ARHGEF4: variants seen among roughly 807,000 people sequenced by gnomAD.
ARHGEF4 encodes APC-stimulated guanine nucleotide exchange factor 1.
A neutral mutation model predicts 162.0 loss-of-function variants in ARHGEF4; 119 were observed. That is an observed-to-expected ratio of 0.73 (90% CI 0.63 to 0.86). The LOEUF (loss-of-function observed/expected upper bound fraction) is 0.86, where lower values mean the gene tolerates loss of function less well. Ranked by LOEUF, ARHGEF4 falls within the 40% of genes least tolerant of loss-of-function variation. ARHGEF4 has a pLI of 0.00. For synonymous variants in ARHGEF4, 1,014 were observed against 979.9 expected (o/e 1.03, Z -0.65); for missense variants, 2,488 against 2,456.0 (o/e 1.01, Z -0.28).
chr2:130,922,923 G>GAA lies in ARHGEF4; in HGVS notation c.3552+5426_3552+5427insAA, dbSNP rs151110273. 2.1e-5 allele frequency among the ~76,000 whole-genome samples: 3 copies of GAA among 145,570 alleles called. No individual in the cohort carries two copies. In the Admixed American group the frequency reaches 2.1e-4, roughly 10 times the overall value. On this transcript the variant is annotated intron_variant, in intron 2 of 13. Coordinates refer to ENST00000409359, the MANE Select transcript of ARHGEF4 (RefSeq NM_001367493.1). Reference sequence around the variant, plus strand: ...GTGGCTTGTCTTTTCCCTCTTTAATGATATATATATATATATATTTTGTTT... The same window carrying GAA: ...GTGGCTTGTCTTTTCCCTCTTTAATGAAATATATATATATATATATTTTGTTT...
At chr2:130,956,806 A>G (rs1327169142) in intron 4 of ARHGEF4, among the ~76,000 whole-genome samples, 1 of 100,134 alleles carries the variant, frequency 1.0e-5, no homozygotes, top group African/African-American at 4.0e-5. Context: ...CATCACACTC[A>G]GGGGACTGTC....
intron 2 of ARHGEF4, among the ~76,000 whole-genome samples, chr2:130,917,769 A>G (rs1223669845): frequency 6.6e-6 from 1 of 150,644 alleles, no homozygotes; most frequent in African/African-American, 2.4e-5. Context: ...TTTTGTATGA[A>G]CTGCCTGCTC....
At chr2:130,936,881 T>C (rs1682973942) in intron 3 of ARHGEF4, among the ~76,000 whole-genome samples, 1 of 88,282 alleles carries the variant, frequency 1.1e-5, no homozygotes, top group Non-Finnish European at 2.8e-5. Flanking sequence ...TTTTCTCTCT[T>C]TCTTTCTTTT....
chr2:130,949,175 G>C (rs1317663606), intron 4 of ARHGEF4, among the ~76,000 whole-genome samples: 1 of 152,034 alleles, frequency 6.6e-6, no homozygotes, highest in Non-Finnish European at 1.5e-5. Flanking sequence ...GTGATGCAGT[G>C]ATCATGTTTT....
At position 130,876,582 on chromosome 2, in the gene ARHGEF4, CG is replaced by C. The variant is rs575455509; in HGVS notation, c.40-37400del. On this transcript the variant is annotated intron_variant, in intron 1 of 13. Transcript: ENST00000409359. ...AATTTTTTTGTATTTTTAGTAGAGA[CG>C]GGGTTTCACCATGTTAGCCAGGATG... Among the ~76,000 whole-genome samples, 22 of 152,144 alleles carry C rather than the reference CG, an allele frequency of 1.4e-4. No homozygotes were observed. The South Asian group carries it at 4.4e-3, about 30-fold the overall frequency.
At chr2:130,875,879 A>G (rs1678798982) in intron 1 of ARHGEF4, among the ~76,000 whole-genome samples, 1 of 152,164 alleles carries the variant, frequency 6.6e-6, no homozygotes, top group Non-Finnish European at 1.5e-5. Flanking sequence ...ATGTCTCCAT[A>G]TGGAAGCCAG....
At chr2:130,922,931 T>TAC (rs1553514186) in intron 2 of ARHGEF4, among the ~76,000 whole-genome samples, 21 of 149,922 alleles carry the variant, frequency 1.4e-4, no homozygotes, top group Non-Finnish European at 2.5e-4. Flanking sequence ...ATGATATATA[T>TAC]ATATATATAT....
chr2:131,020,110 C>T (rs1689015697), intron 4 of ARHGEF4, among the ~76,000 whole-genome samples: 1 of 152,154 alleles, frequency 6.6e-6, no homozygotes, highest in Non-Finnish European at 1.5e-5. Context: ...AGGTATGCTA[C>T]ATGTAAGAAG....
At position 130,931,124 on chromosome 2, in the gene ARHGEF4, G is replaced by A. The variant is rs549714029; in HGVS notation, c.3725G>A (p.Arg1242Lys). ...CGTGGGGAGGCTCCTTCACAGCCTA[G>A]GGGCATCCCTCACCGCTCGCCCGTC... ...TVRGEAPSQP[R>K]GIPHRSPVSV... The change falls in exon 3 of 14, where the codon AGG becomes AAG. Residue 1242 changes from arginine (R) to lysine (K), a missense_variant. By Grantham distance (26) the Arg-to-Lys change is conservative (BLOSUM62 2). Around this residue, in one of 6 missense-constraint regions of ARHGEF4, gnomAD observed 1,642 missense variants for 1,481.5 expected, o/e 1.11. Transcript: ENST00000409359. The A allele has an allele frequency of 6.2e-7, 1 of 1,614,180 alleles. No homozygotes were observed. The highest frequency in any genetic ancestry group is 1.7e-5 in the Admixed American group (1 of 60,018).
intron 1 of ARHGEF4, 110 bp from the exon 2 acceptor site, chr2:130,913,876 A>C (rs890033025): frequency 6.3e-5 from 84 of 1,323,242 alleles, no homozygotes; most frequent in Admixed American, 3.0e-4. Context: ...ATGGGGAACT[A>C]ATGAGCCATT....
chr2:130,905,853 T>C (rs1680781570), intron 1 of ARHGEF4, among the ~76,000 whole-genome samples: 1 of 152,228 alleles, frequency 6.6e-6, no homozygotes, highest in African/African-American at 2.4e-5. Context: ...ATAGTGTATA[T>C]AGGGTTCAAT....
rs185585408 is a variant in ARHGEF4 at position 130,868,300 on chromosome 2, T to G, written c.39+31308T>G. 7.2e-5 allele frequency among the ~76,000 whole-genome samples: 11 copies of G among 152,212 alleles called. No homozygotes were observed. In the East Asian group the frequency reaches 1.2e-3, roughly 16 times the overall value. On this transcript the variant is annotated intron_variant, in intron 1 of 13. Coordinates refer to ENST00000409359, the MANE Select transcript of ARHGEF4 (RefSeq NM_001367493.1). The stretch of plus-strand genomic sequence containing the variant: ...GACGTCTTTTCCTTATGGAATAATT[T>G]CTTACAAGGCTGTGGTCAAGATGAG...
rs6430388 is a variant in ARHGEF4, at chr2:130,875,643, G to A, written c.40-38343G>A. Among the ~76,000 whole-genome samples, 206 of 152,256 alleles carry A rather than the reference G, an allele frequency of 1.4e-3. 2 individuals are homozygous for A. Among genetic ancestry groups the A allele is most frequent in the Middle Eastern group, 0.01 (3 of 294 alleles). The stretch of plus-strand genomic sequence containing the variant: ...CCTCTAGAGCAGCATTAATCCCCCC[G>A]ATGATCAAATCACCTCTTAGATTTC... On this transcript the variant is annotated intron_variant, in intron 1 of 13. Coordinates refer to ENST00000409359, the MANE Select transcript of ARHGEF4 (RefSeq NM_001367493.1).
intron 4 of ARHGEF4, among the ~76,000 whole-genome samples, chr2:130,950,612 A>T (rs1489559505): frequency 6.6e-6 from 1 of 152,080 alleles, no homozygotes; most frequent in Non-Finnish European, 1.5e-5. Context: ...ATATTCACAG[A>T]TACGTGCGGT....
rs180776135 is a variant in ARHGEF4 at position 131,036,158 on chromosome 2, A to G, written c.4126-2695A>G. On this transcript the variant is annotated intron_variant, in intron 5 of 13. Transcript: ENST00000409359. ...GGTGCAGCTGTGCCTACGAGCACCA[A>G]AAAGGGCCTCTGCCCAGAAACGCAC... Among the ~76,000 whole-genome samples the G allele has an allele frequency of 2.4e-3, 363 of 152,348 alleles. 2 individuals are homozygous for G. Among genetic ancestry groups the G allele is most frequent in the Non-Finnish European group, 3.1e-3 (214 of 68,026 alleles).
At chr2:131,029,842 C>T (rs1261130860) in intron 5 of ARHGEF4, among the ~76,000 whole-genome samples, 1 of 152,244 alleles carries the variant, frequency 6.6e-6, no homozygotes, top group African/African-American at 2.4e-5. Context: ...GCGTAAGCCA[C>T]CACACTCGGC....
chr2:131,038,287 T>C (rs879465483), intron 5 of ARHGEF4, among the ~76,000 whole-genome samples: 33 of 107,948 alleles, frequency 3.1e-4, no homozygotes, highest in South Asian at 6.4e-4. Context: ...GCCCTCAGCC[T>C]CTCCTTCCTG....
chr2:130,977,382 G>A (rs1450231042), intron 4 of ARHGEF4, among the ~76,000 whole-genome samples: 3 of 151,816 alleles, frequency 2.0e-5, no homozygotes, highest in African/African-American at 4.8e-5. Context: ...TGCGTATGTT[G>A]TGTGTGTTGT....
At chr2:130,866,661 C>T (rs1017025873) in intron 1 of ARHGEF4, among the ~76,000 whole-genome samples, 1 of 152,126 alleles carries the variant, frequency 6.6e-6, no homozygotes, top group African/African-American at 2.4e-5. Context: ...CTTTTCTAGC[C>T]TGTTGATATG....
Sources: gnomAD v4.1 joint callset for allele counts (sites outside exome capture counted in the v4.1 genomes callset) on GRCh38, gnomAD v4.1.1 for gene constraint, gnomAD v4.1.1 regional missense constraint, MANE v1.5 for transcripts, NCBI Gene and HGNC (gene_info 2026-07-23, HGNC 2026-07-21) for gene names.